ABTB3: variants seen among roughly 807,000 people sequenced by gnomAD.
ABTB3 encodes ankyrin repeat- and BTB/POZ domain-containing protein 3.
chr12:107,343,399 G>T, the ABTB3 span, among the ~76,000 whole-genome samples: 1 of 152,188 alleles, frequency 6.6e-6, no homozygotes, highest in Admixed American at 6.5e-5. Flanking sequence ...GAGCACAAAT[G>T]CATGTATTCA....
chr12:107,325,225 G>T, the ABTB3 span, among the ~76,000 whole-genome samples: 1 of 152,188 alleles, frequency 6.6e-6, no homozygotes, highest in Non-Finnish European at 1.5e-5. Flanking sequence ...TGGAGGGTAG[G>T]TTGGTTTTCA....
At chr12:107,360,173 A>G in the ABTB3 span, among the ~76,000 whole-genome samples, 1 of 152,230 alleles carries the variant, frequency 6.6e-6, no homozygotes, top group Non-Finnish European at 1.5e-5. Context: ...ATGTCTGAAC[A>G]ATATGCAATG....
At chr12:107,428,958 C>T in the ABTB3 span, among the ~76,000 whole-genome samples, 329 of 152,250 alleles carry the variant, frequency 2.2e-3, 1 homozygote, top group African/African-American at 6.8e-3. Context: ...TTCAAAGGCA[C>T]GTAGCTGCCA....
chr12:107,399,282 A>G, the ABTB3 span, among the ~76,000 whole-genome samples: 1 of 152,314 alleles, frequency 6.6e-6, no homozygotes, highest in Non-Finnish European at 1.5e-5. Context: ...AAGATATTTA[A>G]GTAACACAGT....
the ABTB3 span, among the ~76,000 whole-genome samples, chr12:107,496,775 G>A: frequency 6.6e-6 from 1 of 152,304 alleles, no homozygotes; most frequent in South Asian, 2.1e-4. Flanking sequence ...AGAGGAAACT[G>A]AGGCACGGAG....
At chr12:107,452,630 A>G in the ABTB3 span, among the ~76,000 whole-genome samples, 1 of 152,176 alleles carries the variant, frequency 6.6e-6, no homozygotes, top group African/African-American at 2.4e-5. Context: ...ACCTGAGGTC[A>G]GGAGTTCGTG....
chr12:107,328,034 A>C, the ABTB3 span, among the ~76,000 whole-genome samples: 1 of 152,068 alleles, frequency 6.6e-6, no homozygotes. Context: ...AATGACCAGC[A>C]CTCAGTCACA....
chr12:107,437,236 G>T, the ABTB3 span, among the ~76,000 whole-genome samples: 2 of 152,094 alleles, frequency 1.3e-5, no homozygotes, highest in African/African-American at 4.8e-5. Flanking sequence ...TCAAAGTCAA[G>T]GTGTCAGCAA....
the ABTB3 span, among the ~76,000 whole-genome samples, chr12:107,496,882 T>C: frequency 6.6e-6 from 1 of 152,198 alleles, no homozygotes; most frequent in Non-Finnish European, 1.5e-5. Context: ...ACCACTGCTC[T>C]GTCTTATTGT....
the ABTB3 span, among the ~76,000 whole-genome samples, chr12:107,355,508 G>A: frequency 2.0e-5 from 3 of 152,146 alleles, no homozygotes; most frequent in African/African-American, 4.8e-5. Flanking sequence ...ATCTTTTCAT[G>A]GCAGGTTTGC....
chr12:107,326,919 ATTC>A, the ABTB3 span, among the ~76,000 whole-genome samples: 4 of 152,074 alleles, frequency 2.6e-5, no homozygotes, highest in East Asian at 5.8e-4. Flanking sequence ...TTAGGTCCTG[ATTC>A]TTCTCCTGAT....
chr12:107,564,873 G>A, the ABTB3 span, among the ~76,000 whole-genome samples: 1 of 152,202 alleles, frequency 6.6e-6, no homozygotes, highest in African/African-American at 2.4e-5. Context: ...CCATTGCACA[G>A]GCCTTGTTTC....
At chr12:107,622,507 G>C in the ABTB3 span, among the ~76,000 whole-genome samples, 1 of 151,924 alleles carries the variant, frequency 6.6e-6, no homozygotes, top group Non-Finnish European at 1.5e-5. Context: ...TTTAAAACAA[G>C]GTCTCGCTCT....
At chr12:107,320,020 G>T in the ABTB3 span, 5 of 1,561,712 alleles carry the variant, frequency 3.2e-6, 1 homozygote, top group South Asian at 3.6e-5. Flanking sequence ...ACGACTCGGA[G>T]ATCTGGGGTC....
the ABTB3 span, among the ~76,000 whole-genome samples, chr12:107,479,191 G>A: frequency 1.3e-5 from 2 of 152,238 alleles, no homozygotes; most frequent in South Asian, 2.1e-4. Context: ...AAACACAAGG[G>A]TGCAGACAGC....
the ABTB3 span, chr12:107,617,503 C>T: frequency 6.3e-7 from 1 of 1,578,064 alleles, no homozygotes. Context: ...ATTCCCAGGC[C>T]TACCCCAGAC....
At chr12:107,398,168 T>G in the ABTB3 span, among the ~76,000 whole-genome samples, 1 of 72,444 alleles carries the variant, frequency 1.4e-5, no homozygotes, top group Non-Finnish European at 3.2e-5. Flanking sequence ...GGGTTGGGGC[T>G]GGGGTGGGCT....
the ABTB3 span, chr12:107,486,409 A>G: frequency 6.6e-6 from 1 of 152,198 alleles, no homozygotes; most frequent in Non-Finnish European, 1.5e-5. Flanking sequence ...TACAAAGAGT[A>G]TATGGCCCAC....
the ABTB3 span, among the ~76,000 whole-genome samples, chr12:107,375,025 C>A: frequency 6.6e-6 from 1 of 152,142 alleles, no homozygotes. Flanking sequence ...TCTGGTCATG[C>A]AACACACAGA....
Sources: allele counts gnomAD v4.1 joint callset (sites outside exome capture counted in the v4.1 genomes callset), GRCh38; gene constraint gnomAD v4.1.1; transcripts MANE v1.5; gene names NCBI Gene and HGNC (gene_info 2026-07-23, HGNC 2026-07-21).